Variants in CMTM1 observed in about 807,000 individuals in gnomAD.
CMTM1 encodes CKLF like MARVEL transmembrane domain containing 1.
CMTM1 carries 16 observed loss-of-function variants against 17.8 expected under a neutral mutation model. The observed-to-expected ratio is 0.90, with a 90% CI of 0.61 to 1.37. The LOEUF (loss-of-function observed/expected upper bound fraction) is 1.37, where lower values mean the gene tolerates loss of function less well. CMTM1 is among the 40% of genes most tolerant of loss of function. The pLI, the probability that CMTM1 is intolerant of heterozygous loss-of-function variation, is 0.00. For synonymous variants in CMTM1, 169 were observed against 154.6 expected, an observed-to-expected ratio of 1.09 and a Z score of -0.69; for missense variants, 354 against 375.6, an observed-to-expected ratio of 0.94 and a Z score of 0.47.
intron 3 of CMTM1, 114 bp downstream of exon 3, chr16:66,577,316 T>G: frequency 1.3e-6 from 1 of 747,952 alleles, no homozygotes; most frequent in Non-Finnish European, 2.2e-6. Context: ...TGCCACCCAC[T>G]CTCCTTCTTG....
chr16:66,575,915 T>A (rs961994224), intron 2 of CMTM1, among the ~76,000 whole-genome samples: 3 of 152,276 alleles, frequency 2.0e-5, no homozygotes, highest in Non-Finnish European at 4.4e-5. Context: ...TGGCCCATAT[T>A]GTGGTTATGT....
intron 2 of CMTM1, among the ~76,000 whole-genome samples, chr16:66,575,949 A>G (rs2014182152): frequency 6.6e-6 from 1 of 152,212 alleles, no homozygotes; most frequent in Non-Finnish European, 1.5e-5. Context: ...GCCCATAGCC[A>G]TACACTGCTG....
chr16:66,566,665 G>C lies in CMTM1; in HGVS notation c.152G>C (p.Arg51Pro), dbSNP rs746785842. The C allele has an allele frequency of 6.2e-7, 1 of 1,614,064 alleles. No homozygotes were observed. Among genetic ancestry groups the C allele is most frequent in the Non-Finnish European group, 8.5e-7 (1 of 1,180,004 alleles). ...QRNISAKTAPRKHPAVSIRSA... is the reference protein window; with the variant it reads ...QRNISAKTAPPKHPAVSIRSA... Reference sequence around the variant, plus strand: ...AACATCTCAGCGAAGACCGCACCCCGGAAGCACCCCGCAGTCTCAATTCGC... The same window carrying C: ...AACATCTCAGCGAAGACCGCACCCCCGAAGCACCCCGCAGTCTCAATTCGC... The change falls in exon 1 of 4, where the codon CGG becomes CCG. Residue 51 changes from arginine (R) to proline (P), a missense_variant. Transcript: ENST00000379500. This position sits in a 1 kb window ranked among gnomAD's most constrained non-coding sequence, Gnocchi z 4.9.
intron 2 of CMTM1, among the ~76,000 whole-genome samples, chr16:66,573,212 T>G (rs947046252): frequency 6.6e-6 from 1 of 152,234 alleles, no homozygotes; most frequent in Non-Finnish European, 1.5e-5. Flanking sequence ...GCACTGGTTT[T>G]ACCTGCAGAC....
chr16:66,566,756 C>A lies in CMTM1; in HGVS notation c.243C>A (p.Ala81=). 2 of 1,613,762 alleles carry A rather than the reference C, an allele frequency of 1.2e-6. No individual in the cohort carries two copies. The highest frequency in any genetic ancestry group is 1.7e-6 in the Non-Finnish European group (2 of 1,179,870). The part of the protein sequence containing the change: ...GSEGTAPSRK[A]TTRPPPKPTL... ...AGGGCACCGCACCCTCAAGGAAAGC[C>A]ACCACACGCCCACCCCCAAAGCCCA... Residue 81 remains alanine, a synonymous_variant, in exon 1 of 4, where the codon GCC becomes GCA. Coordinates refer to ENST00000379500, the MANE Select transcript of CMTM1 (RefSeq NM_052999.4). The surrounding 1 kb of genome is among the most constrained non-coding windows in gnomAD (Gnocchi z 4.9).
At chr16:66,578,743 C>A in intron 3 of CMTM1, 88 bp from the exon 4 acceptor site, 1 of 1,544,494 alleles carries the variant, frequency 6.5e-7, no homozygotes. Flanking sequence ...GCAGCGCCCA[C>A]CCTGGATAGG....
rs1014340195 is a variant in CMTM1, at chr16:66,578,919, G to T, written c.779G>T (p.Gly260Val). Residue 260 changes from glycine (G) to valine (V), a missense_variant, in exon 4 of 4, where the codon GGA (glycine) becomes GTA (valine). Physicochemically the swap from Gly to Val is moderately radical, Grantham distance 109. Coordinates refer to ENST00000379500, the MANE Select transcript of CMTM1 (RefSeq NM_052999.4). ...KMRTNLKRFLGVEVERKLSPA... is the reference protein window; with the variant it reads ...KMRTNLKRFLVVEVERKLSPA... ...AGGACCAACTTGAAAAGATTCCTGG[G>T]AGTCGAAGTTGAAAGGAAGCTTTCC... 6.2e-7 allele frequency: 1 copy of T among 1,614,200 alleles called. No individual in the cohort carries two copies. Among genetic ancestry groups the T allele is most frequent in the Admixed American group, 1.7e-5 (1 of 60,018 alleles).
intron 2 of CMTM1, 99 bp downstream of exon 2, chr16:66,570,193 A>G: frequency 1.1e-6 from 1 of 948,334 alleles, no homozygotes; most frequent in Non-Finnish European, 1.6e-6. Context: ...ATCTCTCTAG[A>G]CAAGGACATA....
At chr16:66,569,825 ATG>A in intron 1 of CMTM1, 109 bp from the exon 2 acceptor site, 1 of 662,520 alleles carries the variant, frequency 1.5e-6, no homozygotes, top group East Asian at 2.8e-5. Context: ...TTAAAAATGT[ATG>A]TGCAAAACAA....
chr16:66,578,987 C>G lies in CMTM1; in HGVS notation c.847C>G (p.Gln283Glu). 4 of 1,613,440 alleles carry G rather than the reference C, an allele frequency of 2.5e-6. No homozygotes were observed. Among genetic ancestry groups the G allele is most frequent in the Non-Finnish European group, 3.4e-6 (4 of 1,179,926 alleles). ...CCCCGAAACCGGCCCCGACGCCCCG[C>G]AGAGGCCCGCCTGAAGCCAGCCCGG... ...AYPETGPDAP[Q>E]RPA Residue 283 changes from glutamine to glutamate, a missense_variant, in exon 4 of 4, where the codon CAG becomes GAG. Coordinates refer to ENST00000379500, the MANE Select transcript of CMTM1 (RefSeq NM_052999.4).
At chr16:66,576,433 T>C (rs558561046) in intron 2 of CMTM1, among the ~76,000 whole-genome samples, 77 of 151,332 alleles carry the variant, frequency 5.1e-4, no homozygotes, top group Non-Finnish European at 9.9e-4. Context: ...GAAATCCAAT[T>C]GAAACCCAGA....
intron 2 of CMTM1, chr16:66,574,929 A>G: frequency 1.0e-6 from 1 of 984,610 alleles, no homozygotes; most frequent in Non-Finnish European, 1.2e-6. Context: ...CTTGGTTTAT[A>G]CAATCCTCAG....
At position 66,566,649 on chromosome 16, in the gene CMTM1, G is replaced by T. The variant is rs1310979173; in HGVS notation, c.136G>T (p.Ala46Ser). The change falls in exon 1 of 4, where the codon GCG (alanine) becomes TCG (serine). Residue 46 changes from alanine to serine, a missense_variant. Coordinates refer to ENST00000379500, the MANE Select transcript of CMTM1 (RefSeq NM_052999.4). This position sits in a 1 kb window ranked among gnomAD's most constrained non-coding sequence, Gnocchi z 4.9. ...SVPKAQRNISAKTAPRKHPAV... is the reference protein window; with the variant it reads ...SVPKAQRNISSKTAPRKHPAV... Reference sequence around the variant, plus strand: ...ACCCAAGGCACAGCGCAACATCTCAGCGAAGACCGCACCCCGGAAGCACCC... The same window carrying T: ...ACCCAAGGCACAGCGCAACATCTCATCGAAGACCGCACCCCGGAAGCACCC... 2 of 1,613,946 alleles carry T rather than the reference G, an allele frequency of 1.2e-6. No individual in the cohort carries two copies. Among genetic ancestry groups the T allele is most frequent in the Non-Finnish European group, 1.7e-6 (2 of 1,179,994 alleles).
intron 2 of CMTM1, chr16:66,571,300 T>C (rs2013494954): frequency 4.9e-6 from 2 of 410,156 alleles, no homozygotes; most frequent in East Asian, 7.1e-5. Flanking sequence ...GCATATACCA[T>C]GTGCCAGATA....
rs1297208906 is a variant in CMTM1 at position 66,570,018 on chromosome 16, G to A, written c.515G>A (p.Cys172Tyr). The change falls in exon 2 of 4, where the codon TGC becomes TAC. Residue 172 changes from cysteine to tyrosine, a missense_variant. Cys to Tyr is a radical substitution (Grantham distance 194). Coordinates refer to ENST00000379500, the MANE Select transcript of CMTM1 (RefSeq NM_052999.4). Reference sequence around the variant, plus strand: ...ATAACAATCACAAGTCTGGAAATCTGCATTGTCGTTTTTTTTATTCTAATA... The same window carrying A: ...ATAACAATCACAAGTCTGGAAATCTACATTGTCGTTTTTTTTATTCTAATA... The part of the protein sequence containing the change: ...SFITITSLEI[C>Y]IVVFFILIYV... 6.2e-7 allele frequency: 1 copy of A among 1,612,370 alleles called. No individual in the cohort carries two copies. The highest frequency in any genetic ancestry group is 8.5e-7 in the Non-Finnish European group (1 of 1,178,910).
chr16:66,566,709 GCCGCACGTCCCCAAGGCAGTGAGGGCA>G lies in CMTM1; in HGVS notation c.203_229del (p.Arg68_Ala76del). ...AATTCGCAGTGCGCAGTCCGCAGCC[GCCGCACGTCCCCAAGGCAGTGAGGGCA>G]CCGCACCCTCAAGGAAAGCCACCAC... On this transcript the variant is annotated inframe_deletion, in exon 1 of 4. Transcript: ENST00000379500. This position sits in a 1 kb window ranked among gnomAD's most constrained non-coding sequence, Gnocchi z 4.9. 6.2e-7 allele frequency: 1 copy of G among 1,613,940 alleles called. No homozygotes were observed. Among genetic ancestry groups the G allele is most frequent in the Non-Finnish European group, 8.5e-7 (1 of 1,179,976 alleles).
In CMTM1 at chr16:66,577,159, C is replaced by T. The variant is rs1301091932; in HGVS notation, c.647C>T (p.Ala216Val). 2 of 1,613,806 alleles carry T rather than the reference C, an allele frequency of 1.2e-6. No homozygotes were observed. The highest frequency in any genetic ancestry group is 1.3e-5 in the African/African-American group (1 of 74,906). The change falls in exon 3 of 4, where the codon GCC becomes GTC. Residue 216 changes from alanine (A) to valine (V), a missense_variant. Transcript: ENST00000379500. ...AVFLSVVAIL[A>V]MQEKKRRHLL... ...TTCCTTTCAGTAGTTGCCATCTTGG[C>T]CATGCAAGAAAAGAAAAGAAGGCAT...
chr16:66,577,792 A>G (rs2014430281), intron 3 of CMTM1, among the ~76,000 whole-genome samples: 1 of 152,236 alleles, frequency 6.6e-6, no homozygotes, highest in Non-Finnish European at 1.5e-5. Flanking sequence ...TTGGGACTCA[A>G]AAGAAATGGC....
intron 2 of CMTM1, chr16:66,575,314 G>T (rs1246503337): frequency 1.5e-6 from 1 of 676,390 alleles, no homozygotes; most frequent in Non-Finnish European, 1.8e-6. Flanking sequence ...GATTCATTAT[G>T]CCATTTAATC....
Sources: gnomAD v4.1 joint callset for allele counts (sites outside exome capture counted in the v4.1 genomes callset) on GRCh38, gnomAD v4.1.1 for gene constraint, Gnocchi (gnomAD v3.1) non-coding constraint, MANE v1.5 for transcripts, NCBI Gene and HGNC (gene_info 2026-07-23, HGNC 2026-07-21) for gene names.